NKAPD1: variants seen among roughly 807,000 people sequenced by gnomAD.
NKAPD1 encodes the protein NKAP domain containing 1, also known as uncharacterized protein NKAPD1.
A neutral mutation model predicts 30.9 loss-of-function variants in NKAPD1; 12 were observed. That is an observed-to-expected ratio of 0.39 (90% CI 0.25 to 0.63). The LOEUF is 0.63. Ranked by LOEUF, NKAPD1 falls within the 20% of genes least tolerant of loss-of-function variation. NKAPD1 has a pLI of 0.51. For synonymous variants in NKAPD1, 91 were observed against 113.6 expected, an observed-to-expected ratio of 0.80 and a Z score of 1.26; for missense variants, 311 against 344.5, an observed-to-expected ratio of 0.90 and a Z score of 0.77.
chr11:112,080,631 C>T, intron 4 of NKAPD1, 73 bp downstream of exon 4: 1 of 1,526,984 alleles, frequency 6.5e-7, no homozygotes, highest in African/African-American at 1.4e-5. Flanking sequence ...ATTGTCCCCA[C>T]AAAAAACTTG....
intron 3 of NKAPD1, among the ~76,000 whole-genome samples, chr11:112,079,303 G>T (rs542335872): frequency 1.3e-5 from 2 of 151,832 alleles, no homozygotes; most frequent in East Asian, 3.9e-4. Context: ...CTGCCACCAC[G>T]CCTGGCTAAT....
At chr11:112,082,056 G>C (rs756469601) in intron 5 of NKAPD1, 21 bp downstream of exon 5, 2 of 1,576,912 alleles carry the variant, frequency 1.3e-6, no homozygotes, top group East Asian at 2.2e-5. Flanking sequence ...TAGGCTTACT[G>C]AAAGAAACTA....
At position 112,083,566 on chromosome 11, in the gene NKAPD1, G is replaced by C. The variant is rs1460836167; in HGVS notation, c.*594G>C. 1 of 152,638 alleles carries C rather than the reference G, an allele frequency of 6.6e-6. No homozygotes were observed. The allele number at this position is 152,638 out of a possible 1,614,324, so 9.5% of individuals were successfully genotyped here. ...ATAGACAACTTATTAGAAGGGACTA[G>C]AGTTTTTGCAAATTTCCCTGCTGGA... On this transcript the variant is annotated 3_prime_UTR_variant, in exon 6 of 6. Transcript: ENST00000393047.
chr11:112,077,924 C>T (rs1865363344), intron 2 of NKAPD1, among the ~76,000 whole-genome samples: 1 of 151,890 alleles, frequency 6.6e-6, no homozygotes, highest in Non-Finnish European at 1.5e-5. Flanking sequence ...CGGCTCACTG[C>T]AACCTCTGCC....
chr11:112,082,350 G>A (rs966040409), intron 5 of NKAPD1, 115 bp from the exon 6 acceptor site: 1 of 888,130 alleles, frequency 1.1e-6, no homozygotes, highest in Admixed American at 3.4e-5. Flanking sequence ...ATACATTAAA[G>A]TGCTTATTTA....
In NKAPD1 at chr11:112,080,885, T is replaced by G. The variant is rs561724236; in HGVS notation, c.320+327T>G. On this transcript the variant is annotated intron_variant, in intron 4 of 5. Coordinates refer to ENST00000393047, the MANE Select transcript of NKAPD1 (RefSeq NM_018195.4). ...ACCGCATATTGTATGATTCTATTTA[T>G]GTACTATGTCCATACATAACTGTAT... 9.4e-5 allele frequency: 29 copies of G among 308,232 alleles called. No homozygotes were observed. The South Asian group carries it at 9.7e-4, about 10-fold the overall frequency. The allele number at this position is 308,232 out of a possible 1,614,324, so 19.1% of individuals were successfully genotyped here. A position where few individuals can be genotyped will look rare whatever the true frequency, so the allele number is the denominator to read the frequency against.
intron 2 of NKAPD1, among the ~76,000 whole-genome samples, chr11:112,077,006 A>C (rs1865343612): frequency 6.6e-6 from 1 of 152,242 alleles, no homozygotes; most frequent in Admixed American, 6.5e-5. Context: ...TTTCGGGATT[A>C]TTGATGTATA....
At position 112,075,649 on chromosome 11, in the gene NKAPD1, A is replaced by T. The variant is rs1413521244; in HGVS notation, c.69+6A>T. The T allele has an allele frequency of 6.2e-7, 1 of 1,608,360 alleles. No individual in the cohort carries two copies. Among genetic ancestry groups the T allele is most frequent in the Non-Finnish European group, 8.5e-7 (1 of 1,178,302 alleles). ...ACACAGATGCTCACAATAAGGTGGGAGGTACAACCTAGTTACTCCTCAACG... is the reference window on the plus strand; with the variant it reads ...ACACAGATGCTCACAATAAGGTGGGTGGTACAACCTAGTTACTCCTCAACG... On this transcript the variant is annotated splice_donor_region_variant and intron_variant, in intron 2 of 5. Transcript: ENST00000393047.
rs1865508099 is a variant in NKAPD1, at chr11:112,083,456, A to G, written c.*484A>G. On this transcript the variant is annotated 3_prime_UTR_variant, in exon 6 of 6. Transcript: ENST00000393047. ...TTAGCCTTGGTGCTTTGATCCTTCTATATTTTGACCCCACAGGTGTGGTCC... is the reference window on the plus strand; with the variant it reads ...TTAGCCTTGGTGCTTTGATCCTTCTGTATTTTGACCCCACAGGTGTGGTCC... The G allele has an allele frequency of 6.5e-6, 1 of 153,140 alleles. No homozygotes were observed. Among genetic ancestry groups the G allele is most frequent in the African/African-American group, 2.4e-5 (1 of 41,426 alleles). 9.5% of individuals were successfully genotyped at this position (153,140 alleles called of 1,614,324 possible). A position where few individuals can be genotyped will look rare whatever the true frequency, so the allele number is the denominator to read the frequency against.
Position 112,083,585 on chromosome 11 carries a change from T to G in NKAPD1, c.*613T>G, listed in dbSNP as rs369867535. ...GGACTAGAGTTTTTGCAAATTTCCCTGCTGGATGGGGCCTATAGCTATACT... is the reference window on the plus strand; with the variant it reads ...GGACTAGAGTTTTTGCAAATTTCCCGGCTGGATGGGGCCTATAGCTATACT... On this transcript the variant is annotated 3_prime_UTR_variant, in exon 6 of 6. Coordinates refer to ENST00000393047, the MANE Select transcript of NKAPD1 (RefSeq NM_018195.4). 6.5e-6 allele frequency: 1 copy of G among 152,678 alleles called. No homozygotes were observed. Among genetic ancestry groups the G allele is most frequent in the Non-Finnish European group, 1.5e-5 (1 of 68,060 alleles). The allele number at this position is 152,678 out of a possible 1,614,324, so 9.5% of individuals were successfully genotyped here.
In NKAPD1 at chr11:112,083,071, CAG is replaced by C; in HGVS notation, c.*102_*103del. 1.5e-6 allele frequency: 2 copies of C among 1,320,536 alleles called. No homozygotes were observed. The highest frequency in any genetic ancestry group is 4.8e-5 in the Admixed American group (2 of 41,464). 81.8% of individuals were successfully genotyped at this position (1,320,536 alleles called of 1,614,324 possible). A position where few individuals can be genotyped will look rare whatever the true frequency, so the allele number is the denominator to read the frequency against. On this transcript the variant is annotated 3_prime_UTR_variant, in exon 6 of 6. Transcript: ENST00000393047. Reference sequence around the variant, plus strand: ...TCTTGTTCAGCACGGGGCCTGAGGTCAGAGCTGTCTTGTGCCATCTGTATGTT... The same window carrying C: ...TCTTGTTCAGCACGGGGCCTGAGGTCAGCTGTCTTGTGCCATCTGTATGTT...
chr11:112,076,285 A>G (rs1865329680), intron 2 of NKAPD1, among the ~76,000 whole-genome samples: 2 of 152,196 alleles, frequency 1.3e-5, no homozygotes, highest in Admixed American at 6.5e-5. Flanking sequence ...TACAGAAGGG[A>G]GAGTAATTAG....
chr11:112,074,513 C>G lies in NKAPD1; in HGVS notation c.-412C>G, dbSNP rs1442564565. 2 of 398,970 alleles carry G rather than the reference C, an allele frequency of 5.0e-6. No individual in the cohort carries two copies. The allele number at this position is 398,970 out of a possible 1,614,324, so 24.7% of individuals were successfully genotyped here. A position where few individuals can be genotyped will look rare whatever the true frequency, so the allele number is the denominator to read the frequency against. On this transcript the variant is annotated 5_prime_UTR_variant, in exon 1 of 6. Transcript: ENST00000393047. ...GAAACCTCAACCCCCGCTTCAGGCT[C>G]CCTAGATACTTTCTGGGGCCCAACC...
intron 5 of NKAPD1, 121 bp from the exon 6 acceptor site, chr11:112,082,344 A>G: frequency 1.1e-6 from 1 of 871,396 alleles, no homozygotes; most frequent in Non-Finnish European, 1.7e-6. Flanking sequence ...TAAAGTATAC[A>G]TTAAAGTGCT....
chr11:112,081,306 CTGAG>C (rs935923791), intron 4 of NKAPD1: 25 of 142,690 alleles, frequency 1.8e-4, no homozygotes, highest in African/African-American at 5.8e-4. Context: ...AGCCTGGCAA[CTGAG>C]TGAGACTCTG....
At position 112,084,205 on chromosome 11, in the gene NKAPD1, C is replaced by T. The variant is rs561120601; in HGVS notation, c.*1233C>T. 4 of 152,668 alleles carry T rather than the reference C, an allele frequency of 2.6e-5. No individual in the cohort carries two copies. The South Asian group carries it at 8.3e-4, about 32-fold the overall frequency. 9.5% of individuals were successfully genotyped at this position (152,668 alleles called of 1,614,324 possible). ...AGAGCAGGTAAGTTCACCTTCCTGG[C>T]CTTACTTTCCTGATGTGTAATACGG... is the stretch of plus-strand genomic sequence containing the variant. On this transcript the variant is annotated 3_prime_UTR_variant, in exon 6 of 6. Transcript: ENST00000393047.
chr11:112,080,287 T>A lies in NKAPD1; in HGVS notation c.171-122T>A, dbSNP rs866296786. 2.5e-3 allele frequency: 2,072 copies of A among 822,304 alleles called. 24 individuals are homozygous for A. In the African/African-American group the frequency reaches 0.026, roughly 10 times the overall value. The allele number at this position is 822,304 out of a possible 1,614,324, so 50.9% of individuals were successfully genotyped here. A position where few individuals can be genotyped will look rare whatever the true frequency, so the allele number is the denominator to read the frequency against. ...TCTTTGCCTTTTTTTTTTTTTTTTT[T>A]AAACAGTATCATGTTGTTTCCTTCC... On this transcript the variant is annotated intron_variant, in intron 3 of 5. Transcript: ENST00000393047.
In NKAPD1 at chr11:112,083,347, G is replaced by A. The variant is rs1865503485; in HGVS notation, c.*375G>A. ...AGGGCTGGGATCAAGAGGTGGATTG[G>A]AACTAATGCCATGTAGGATGGTATG... On this transcript the variant is annotated 3_prime_UTR_variant, in exon 6 of 6. Coordinates refer to ENST00000393047, the MANE Select transcript of NKAPD1 (RefSeq NM_018195.4). 6.0e-6 allele frequency: 1 copy of A among 165,570 alleles called. No homozygotes were observed. The highest frequency in any genetic ancestry group is 2.4e-5 in the African/African-American group (1 of 41,786). 10.3% of individuals were successfully genotyped at this position (165,570 alleles called of 1,614,324 possible). A position where few individuals can be genotyped will look rare whatever the true frequency, so the allele number is the denominator to read the frequency against.
chr11:112,085,113 A>C lies in NKAPD1; in HGVS notation c.*2141A>C. ...AGTAACTGATGTCATACAACCTGGA[A>C]TTTCTGAATTCCAAATAAATAAATT... On this transcript the variant is annotated 3_prime_UTR_variant, in exon 6 of 6. Transcript: ENST00000393047. 2.1e-6 allele frequency: 1 copy of C among 471,898 alleles called. No homozygotes were observed. Among genetic ancestry groups the C allele is most frequent in the Non-Finnish European group, 3.7e-6 (1 of 270,322 alleles). The allele number at this position is 471,898 out of a possible 1,614,324, so 29.2% of individuals were successfully genotyped here.
Sources: allele counts gnomAD v4.1 joint callset (sites outside exome capture counted in the v4.1 genomes callset), GRCh38; gene constraint gnomAD v4.1.1; transcripts MANE v1.5; gene names NCBI Gene and HGNC (gene_info 2026-07-23, HGNC 2026-07-21).